Variants in PTK2 observed in about 807,000 individuals in gnomAD.
PTK2 encodes protein tyrosine kinase 2.
In PTK2, 45 loss-of-function variants were observed where a neutral mutation model predicts 150.1. That is an observed-to-expected ratio of 0.30 (90% confidence interval 0.24 to 0.38). The LOEUF is 0.38. PTK2 is among the 10% of genes least tolerant of loss of function. The pLI, the probability that PTK2 is intolerant of heterozygous loss-of-function variation, is 1.00. For synonymous variants in PTK2, 432 were observed against 449.2 expected, an observed-to-expected ratio of 0.96 and a Z score of 0.48; for missense variants, 919 against 1,307.3, an observed-to-expected ratio of 0.70 and a Z score of 4.58.
chr8:141,000,002 T>C (rs1255773802), intron 1 of PTK2, among the ~76,000 whole-genome samples: 2 of 144,222 alleles, frequency 1.4e-5, no homozygotes, highest in African/African-American at 2.5e-5. Flanking sequence ...TGAGACACTG[T>C]TGAAATGACT....
chr8:140,683,772 G>GAAA (rs55861612), intron 27 of PTK2, among the ~76,000 whole-genome samples: 1 of 145,344 alleles, frequency 6.9e-6, no homozygotes. Context: ...CTCAATAGAT[G>GAAA]AAAAAAAAAA....
intron 30 of PTK2, among the ~76,000 whole-genome samples, chr8:140,667,371 C>A (rs11166992): frequency 2.7e-4 from 41 of 151,980 alleles, no homozygotes; most frequent in African/African-American, 9.9e-4. Flanking sequence ...GGAGGACACC[C>A]CTGTGCAACC....
At chr8:140,871,520 G>A (rs1195380102) in intron 4 of PTK2, among the ~76,000 whole-genome samples, 1 of 152,154 alleles carries the variant, frequency 6.6e-6, no homozygotes. Context: ...AATCAGAAGT[G>A]GGGCATGGTG....
At chr8:140,815,414 A>G (rs1379416411) in intron 10 of PTK2, among the ~76,000 whole-genome samples, 2 of 152,134 alleles carry the variant, frequency 1.3e-5, no homozygotes, top group African/African-American at 4.8e-5. Context: ...GGCCTACCAG[A>G]GGGTGGAGGG....
At chr8:140,668,483 C>CA in intron 29 of PTK2, 59 bp from the exon 34 acceptor site, 1 of 1,537,838 alleles carries the variant, frequency 6.5e-7, no homozygotes, top group South Asian at 1.3e-5. Context: ...GAGATCACCA[C>CA]AATCAAGCTA....
At chr8:140,994,768 C>T (rs1416790950) in intron 1 of PTK2, among the ~76,000 whole-genome samples, 6 of 152,180 alleles carry the variant, frequency 3.9e-5, no homozygotes, top group Non-Finnish European at 7.3e-5. Context: ...GTCTCTTCTG[C>T]TCTCCTCCCT....
At chr8:140,909,923 A>G (rs2100162450) in intron 2 of PTK2, among the ~76,000 whole-genome samples, 1 of 152,198 alleles carries the variant, frequency 6.6e-6, no homozygotes, top group Admixed American at 6.5e-5. Flanking sequence ...GTATATTTGA[A>G]ATGTATTCAT....
rs1234065040 is a variant in PTK2 at position 140,861,484 on chromosome 8, C to T, written c.450+2828G>A. ...AGAGTGGGGTGGAGGAGCTGAAAGGCTCTACAGAGTGCACATAGGAAGGAA... is the reference window on the plus strand; with the variant it reads ...AGAGTGGGGTGGAGGAGCTGAAAGGTTCTACAGAGTGCACATAGGAAGGAA... On this transcript the variant is annotated intron_variant, in intron 5 of 31. Transcript: ENST00000522684. 2.0e-5 allele frequency among the ~76,000 whole-genome samples: 3 copies of T among 152,064 alleles called. 1 individual carries two copies. Among genetic ancestry groups the T allele is most frequent in the African/African-American group, 7.2e-5 (3 of 41,406 alleles).
chr8:140,691,200 T>G (rs12156228), intron 26 of PTK2, among the ~76,000 whole-genome samples: 52,310 of 133,128 alleles, frequency 0.39, 9,854 homozygotes, highest in Non-Finnish European at 0.44. Flanking sequence ...TGGTTGGGGG[T>G]GGGGGGTCTC....
intron 5 of PTK2, among the ~76,000 whole-genome samples, chr8:140,853,110 G>A (rs2100130350): frequency 6.6e-6 from 1 of 151,978 alleles, no homozygotes; most frequent in South Asian, 2.1e-4. Context: ...ATGCCTATGA[G>A]ACTGACCTCC....
At chr8:140,684,732 A>T (rs1398652955) in intron 27 of PTK2, among the ~76,000 whole-genome samples, 1 of 152,246 alleles carries the variant, frequency 6.6e-6, no homozygotes, top group Non-Finnish European at 1.5e-5. Flanking sequence ...ATGGAAAAAC[A>T]TTCCATGCTC....
In PTK2 at chr8:140,659,791, G is replaced by A. The variant is rs2076817604; in HGVS notation, c.2947-113C>T. 1.6e-5 allele frequency: 15 copies of A among 917,246 alleles called. No homozygotes were observed. The East Asian group carries it at 3.9e-4, about 24-fold the overall frequency. 56.8% of individuals were successfully genotyped at this position (917,246 alleles called of 1,614,324 possible). A position where few individuals can be genotyped will look rare whatever the true frequency, so the allele number is the denominator to read the frequency against. On this transcript the variant is annotated intron_variant, in intron 31 of 31. Transcript: ENST00000522684. ...GCTTGCCTCAAACTCCTGGGCTCAAGGAATCTTCCTGCCTCAGCCTTCCCA... is the reference window on the plus strand; with the variant it reads ...GCTTGCCTCAAACTCCTGGGCTCAAAGAATCTTCCTGCCTCAGCCTTCCCA...
rs553011245 is a variant in PTK2 at position 140,925,128 on chromosome 8, T to C, written c.-33+533A>G. 2.0e-5 allele frequency among the ~76,000 whole-genome samples: 3 copies of C among 152,266 alleles called. No individual in the cohort carries two copies. The East Asian group carries it at 5.8e-4, about 29-fold the overall frequency. On this transcript the variant is annotated intron_variant, in intron 2 of 31. Coordinates refer to ENST00000522684, the Ensembl canonical transcript of PTK2. ...TTCTCATATAATTGTCATAATTTTG[T>C]CTCTCTTAAGGAATACCAAACACCA... is the stretch of plus-strand genomic sequence containing the variant.
At chr8:140,822,644 G>T (rs886339455) in intron 8 of PTK2, among the ~76,000 whole-genome samples, 1 of 152,152 alleles carries the variant, frequency 6.6e-6, no homozygotes, top group African/African-American at 2.4e-5. Context: ...AAACCAGGAA[G>T]AAACAACCAC....
intron 14 of PTK2, among the ~76,000 whole-genome samples, chr8:140,775,619 T>C (rs939485854): frequency 2.6e-5 from 4 of 152,070 alleles, no homozygotes; most frequent in Admixed American, 6.5e-5. Flanking sequence ...GCTGGGACTA[T>C]AGGTGTGAGC....
At chr8:141,000,712 C>A (rs1425545351) in intron 1 of PTK2, among the ~76,000 whole-genome samples, 2 of 145,804 alleles carry the variant, frequency 1.4e-5, no homozygotes, top group African/African-American at 5.1e-5. Context: ...CTCCCCACGT[C>A]CCCCAGCCTT....
chr8:140,748,496 CAAAAAA>C (rs61423469), intron 17 of PTK2, among the ~76,000 whole-genome samples: 2 of 111,584 alleles, frequency 1.8e-5, no homozygotes, highest in Admixed American at 9.1e-5. Flanking sequence ...GACTCTGTCT[CAAAAAA>C]AAAAAAAAAA....
intron 4 of PTK2, among the ~76,000 whole-genome samples, chr8:140,866,934 G>C (rs1449224298): frequency 2.0e-5 from 3 of 152,142 alleles, no homozygotes; most frequent in African/African-American, 7.2e-5. Flanking sequence ...TCTGAACAAA[G>C]ATCTAAATAA....
Position 140,673,570 on chromosome 8 carries a change from G to A in PTK2, c.2709+728C>T, listed in dbSNP as rs186128398. On this transcript the variant is annotated intron_variant, in intron 29 of 31. Transcript: ENST00000522684. ...GGTAATTTGTCATTTTAAGTGGAAAGTAAAAAGATCCCATCTCCTTACAGG... is the reference window on the plus strand; with the variant it reads ...GGTAATTTGTCATTTTAAGTGGAAAATAAAAAGATCCCATCTCCTTACAGG... 1.1e-4 allele frequency among the ~76,000 whole-genome samples: 17 copies of A among 152,298 alleles called. No individual in the cohort carries two copies. In the East Asian group the frequency reaches 3.1e-3, roughly 28 times the overall value.
Sources: allele counts gnomAD v4.1 joint callset (sites outside exome capture counted in the v4.1 genomes callset), GRCh38; gene constraint gnomAD v4.1.1; transcripts MANE v1.5; gene names NCBI Gene and HGNC (gene_info 2026-07-23, HGNC 2026-07-21).